RARS2: variants seen among roughly 807,000 people sequenced by gnomAD.
The protein encoded by RARS2 is probable arginine--tRNA ligase, mitochondrial.
A neutral mutation model predicts 88.5 loss-of-function variants in RARS2; 67 were observed. That is an observed-to-expected ratio of 0.76 (90% CI 0.62 to 0.93). The LOEUF is 0.93. Among genes scored for constraint, RARS2 ranks in the 40% least tolerant of loss-of-function variants. The pLI is 0.00. For synonymous variants in RARS2, 239 were observed against 230.3 expected (o/e 1.04, Z -0.34); for missense variants, 664 against 684.2 (o/e 0.97, Z 0.33).
intron 2 of RARS2, among the ~76,000 whole-genome samples, chr6:87,568,806 T>C (rs950672473): frequency 1.3e-5 from 2 of 152,326 alleles, no homozygotes; most frequent in South Asian, 2.1e-4. Context: ...GTGAATAAAA[T>C]ACAAGGACAG....
At chr6:87,586,119 T>C (rs1261774536) in intron 1 of RARS2, among the ~76,000 whole-genome samples, 5 of 152,052 alleles carry the variant, frequency 3.3e-5, no homozygotes, top group Admixed American at 2.0e-4. Context: ...GAGAATGAAC[T>C]GGAGGGAGGG....
chr6:87,530,996 T>C, intron 8 of RARS2, 54 bp from the exon 9 acceptor site: 1 of 1,605,982 alleles, frequency 6.2e-7, no homozygotes, highest in Non-Finnish European at 8.5e-7. Context: ...TTGTTATCTC[T>C]AACACGGAAA....
intron 14 of RARS2, chr6:87,519,216 A>ATATATATATATC (rs1562058918): frequency 1.3e-5 from 2 of 158,816 alleles, no homozygotes; most frequent in African/African-American, 8.6e-5. Context: ...GTGTATATAT[A>ATATATATATATC]TATATCTATA....
intron 12 of RARS2, among the ~76,000 whole-genome samples, chr6:87,521,014 GA>G (rs1348345921): frequency 2.6e-5 from 4 of 151,856 alleles, no homozygotes; most frequent in Non-Finnish European, 5.9e-5. Context: ...AAAAGCTGGC[GA>G]AATTTCAGTA....
chr6:87,589,936 C>T lies in RARS2; in HGVS notation c.22G>A (p.Ala8Thr), dbSNP rs756422212. MACGFRR[A>T]IACQLSRVLN... ...GGGATCCATACCTGGCAAGCAATAG[C>T]GCGGCGAAAGCCGCACGCCATGTCC... The change falls in exon 1 of 20, where the codon GCT becomes ACT. Residue 8 changes from alanine to threonine, a missense_variant. Ala to Thr is a moderately conservative substitution (Grantham distance 58, BLOSUM62 0). Coordinates refer to ENST00000369536, the MANE Select transcript of RARS2 (RefSeq NM_020320.5). 12 of 1,614,058 alleles carry T rather than the reference C, an allele frequency of 7.4e-6. No individual in the cohort carries two copies. Among genetic ancestry groups the T allele is most frequent in the Non-Finnish European group, 1.0e-5 (12 of 1,180,034 alleles).
intron 8 of RARS2, among the ~76,000 whole-genome samples, chr6:87,533,393 A>G (rs1193245294): frequency 6.6e-6 from 1 of 152,228 alleles, no homozygotes; most frequent in Non-Finnish European, 1.5e-5. Context: ...ACTTCCCAAT[A>G]TACCTATAAA....
chr6:87,535,676 G>GTTTT (rs10710147), intron 8 of RARS2, among the ~76,000 whole-genome samples: 1 of 111,396 alleles, frequency 9.0e-6, no homozygotes, highest in Non-Finnish European at 1.8e-5. Flanking sequence ...TAACTGTTTT[G>GTTTT]TTTTTTTTTT....
At chr6:87,524,235 G>GA (rs1217119454) in intron 11 of RARS2, among the ~76,000 whole-genome samples, 8 of 150,820 alleles carry the variant, frequency 5.3e-5, no homozygotes, top group East Asian at 1.9e-4. Flanking sequence ...AGATGGATGG[G>GA]AAAAAAAAAT....
At chr6:87,526,335 G>C (rs1344059629) in intron 10 of RARS2, among the ~76,000 whole-genome samples, 1 of 152,132 alleles carries the variant, frequency 6.6e-6, no homozygotes, top group African/African-American at 2.4e-5. Context: ...GGGCAACATG[G>C]TGAAACTCCA....
At chr6:87,514,575 G>T in intron 19 of RARS2, 76 bp from the exon 20 acceptor site, 1 of 1,272,768 alleles carries the variant, frequency 7.9e-7, no homozygotes, top group Non-Finnish European at 1.1e-6. Flanking sequence ...TGGTTTTAAA[G>T]GTTATTCTTT....
intron 18 of RARS2, 152 bp downstream of exon 18, chr6:87,516,654 A>G: frequency 8.9e-7 from 1 of 1,126,904 alleles, no homozygotes; most frequent in Non-Finnish European, 1.2e-6. Context: ...ATGAAGGAAC[A>G]TTAACTGCTA....
chr6:87,564,780 C>T (rs1767362055), intron 2 of RARS2: 2 of 185,390 alleles, frequency 1.1e-5, no homozygotes, highest in Non-Finnish European at 1.1e-5. Flanking sequence ...TTATAAAATT[C>T]TTCCTCTTCT....
intron 10 of RARS2, among the ~76,000 whole-genome samples, chr6:87,527,316 AAAAAGG>A (rs543599219): frequency 3.9e-5 from 6 of 152,168 alleles, no homozygotes; most frequent in Non-Finnish European, 8.8e-5. Flanking sequence ...TCAAAAAAAT[AAAAAGG>A]AAAGGACAGT....
chr6:87,531,285 T>C (rs1777452426), intron 8 of RARS2, among the ~76,000 whole-genome samples: 1 of 152,188 alleles, frequency 6.6e-6, no homozygotes, highest in South Asian at 2.1e-4. Context: ...TAATTTTTTC[T>C]TTCCAACTAA....
intron 1 of RARS2, among the ~76,000 whole-genome samples, chr6:87,588,538 CT>C (rs1247256998): frequency 6.6e-6 from 1 of 151,926 alleles, no homozygotes; most frequent in Non-Finnish European, 1.5e-5. Context: ...TGCCTGGCTA[CT>C]TTTTAAAAAA....
At chr6:87,540,704 A>AT (rs1582496227) in intron 8 of RARS2, among the ~76,000 whole-genome samples, 1 of 152,214 alleles carries the variant, frequency 6.6e-6, no homozygotes, top group Non-Finnish European at 1.5e-5. Context: ...AACGGCAGAG[A>AT]TAACAACAGG....
In RARS2 at chr6:87,521,519, A is replaced by G. The variant is rs1773838948; in HGVS notation, c.980T>C (p.Leu327Pro). The part of the protein sequence containing the change: ...DGTSLYATRD[L>P]AAAIDRMDKY... ...GTCCATTCGATCTATAGCAGCTGCA[A>G]GATCTCTGAAACAAAGTGGCCATAA... is the stretch of plus-strand genomic sequence containing the variant. Residue 327 changes from leucine (L) to proline (P), a missense_variant, in exon 12 of 20, where the codon CTT (leucine) becomes CCT (proline). Transcript: ENST00000369536. 6.2e-7 allele frequency: 1 copy of G among 1,611,996 alleles called. No individual in the cohort carries two copies. Among genetic ancestry groups the G allele is most frequent in the African/African-American group, 1.3e-5 (1 of 74,876 alleles).
Position 87,541,933 on chromosome 6 carries a change from T to C in RARS2, c.597A>G (p.Leu199=). The C allele has an allele frequency of 1.2e-6, 2 of 1,613,110 alleles. No homozygotes were observed. Among genetic ancestry groups the C allele is most frequent in the Non-Finnish European group, 8.5e-7 (1 of 1,179,178 alleles). ...GYEEKLQSNP[L]QHLFEVYVQV... ...GCCAACTTACTTCAAAGAGATGCTG[T>C]AGAGGATTGGACTGCAGTTTTTCCT... Residue 199 remains leucine, a synonymous_variant, in exon 8 of 20, where the codon CTA becomes CTG. Coordinates refer to ENST00000369536, the MANE Select transcript of RARS2 (RefSeq NM_020320.5).
chr6:87,551,554 G>A (rs988329544), intron 5 of RARS2, among the ~76,000 whole-genome samples: 3 of 148,246 alleles, frequency 2.0e-5, no homozygotes, highest in African/African-American at 5.0e-5. Flanking sequence ...TGCTTGAACC[G>A]GGGAGGCAGA....
Sources: allele counts gnomAD v4.1 joint callset (sites outside exome capture counted in the v4.1 genomes callset), GRCh38; gene constraint gnomAD v4.1.1; transcripts MANE v1.5; gene names NCBI Gene and HGNC (gene_info 2026-07-23, HGNC 2026-07-21).